ABCG1: variants seen among roughly 807,000 people sequenced by gnomAD.
ABCG1 encodes ATP binding cassette subfamily G member 1.
ABCG1 carries 29 observed loss-of-function variants against 69.2 expected under a neutral mutation model. The ratio of observed to expected loss-of-function variants is 0.42; its 90% CI spans 0.31 to 0.57. ABCG1 has a LOEUF of 0.57. Ranked by LOEUF, ABCG1 falls within the 20% of genes least tolerant of loss-of-function variation. The pLI, the probability that ABCG1 is intolerant of heterozygous loss-of-function variation, is 0.15. For missense variants in ABCG1, 718 were observed against 898.1 expected (o/e 0.80, Z 2.56); for synonymous variants, 370 against 374.8 (o/e 0.99, Z 0.15).
chr21:42,275,894 T>TG, intron 4 of ABCG1, among the ~76,000 whole-genome samples: 1 of 152,320 alleles, frequency 6.6e-6, no homozygotes, highest in South Asian at 2.1e-4. Flanking sequence ...TTTTCATCCT[T>TG]GCAGCCAGGC....
chr21:42,281,824 G>A (rs1263350017), intron 5 of ABCG1, among the ~76,000 whole-genome samples: 1 of 152,170 alleles, frequency 6.6e-6, no homozygotes, highest in Non-Finnish European at 1.5e-5. Flanking sequence ...CCATCACAGC[G>A]ACCCTCCCCT....
chr21:42,254,530 CCTT>C (rs1203351434), intron 2 of ABCG1, among the ~76,000 whole-genome samples: 2 of 152,228 alleles, frequency 1.3e-5, no homozygotes, highest in African/African-American at 4.8e-5. Context: ...ACTTCCCAGA[CCTT>C]CTTCCTGTTC....
At chr21:42,290,987 A>G (rs975048353) in intron 11 of ABCG1, 105 bp from the exon 12 acceptor site, 7 of 800,704 alleles carry the variant, frequency 8.7e-6, no homozygotes, top group Non-Finnish European at 1.5e-5. Context: ...GCCCTAGGCC[A>G]GAGCTGGGTT....
At chr21:42,279,266 C>T (rs1015378772) in intron 5 of ABCG1, among the ~76,000 whole-genome samples, 16 of 152,050 alleles carry the variant, frequency 1.1e-4, no homozygotes, top group Non-Finnish European at 2.1e-4. Context: ...GAGAGGGAGG[C>T]GCTGGAGAGA....
chr21:42,237,532 G>T (rs1235196132), intron 2 of ABCG1, among the ~76,000 whole-genome samples: 2 of 152,210 alleles, frequency 1.3e-5, no homozygotes, highest in Non-Finnish European at 2.9e-5. Flanking sequence ...ATGGGATTTT[G>T]TGCTTCTCTT....
In ABCG1 at chr21:42,296,231, G is replaced by A. The variant is rs1429311699; in HGVS notation, c.1840G>A (p.Asp614Asn). The change falls in exon 15 of 15, where the codon GAC (aspartate) becomes AAC (asparagine). Residue 614 changes from aspartate to asparagine, a missense_variant. By Grantham distance (23) the Asp-to-Asn change is conservative. This residue lies in a region of ABCG1 where 204 missense variants were observed against 323.8 expected (regional missense o/e 0.63). Transcript: ENST00000398449. This position sits in a 1 kb window ranked among gnomAD's most constrained non-coding sequence, Gnocchi z 5.4. ...LDREDLHCDI[D>N]ETCHFQKSEA... ...CCGGGAAGATCTGCACTGTGACATC[G>A]ACGAGACGTGCCACTTCCAGAAGTC... 5.0e-6 allele frequency: 8 copies of A among 1,613,984 alleles called. No homozygotes were observed. The highest frequency in any genetic ancestry group is 2.2e-5 in the South Asian group (2 of 91,070).
At chr21:42,237,307 C>T (rs887045993) in intron 2 of ABCG1, among the ~76,000 whole-genome samples, 2 of 152,222 alleles carry the variant, frequency 1.3e-5, no homozygotes, top group South Asian at 2.1e-4. Flanking sequence ...CCTGCGTCTC[C>T]GCAGCCACTC....
In ABCG1 at chr21:42,258,305, T is replaced by A. The variant is rs528576200; in HGVS notation, c.287-12765T>A. On this transcript the variant is annotated intron_variant, in intron 2 of 14. Transcript: ENST00000398449. ...CTTTATCTCTCCATCTATTTCTCTC[T>A]CCATCCCTCCCTTCATGTCTTCCTC... Among the ~76,000 whole-genome samples, 4 of 150,134 alleles carry A rather than the reference T, an allele frequency of 2.7e-5. No homozygotes were observed. In the South Asian group the frequency reaches 8.5e-4, roughly 32 times the overall value.
chr21:42,271,329 G>A (rs2068613882), intron 3 of ABCG1, 142 bp downstream of exon 3: 2 of 517,480 alleles, frequency 3.9e-6, no homozygotes, highest in African/African-American at 2.0e-5. Context: ...GTGACATTGA[G>A]AGGCTGCACT....
At chr21:42,209,922 C>T (rs966763935) in intron 2 of ABCG1, among the ~76,000 whole-genome samples, 7 of 152,176 alleles carry the variant, frequency 4.6e-5, no homozygotes, top group Non-Finnish European at 1.0e-4. Context: ...GGGCCCAGCA[C>T]TTATCAAAAG....
At chr21:42,295,629 A>T (rs138956766) in intron 14 of ABCG1, among the ~76,000 whole-genome samples, 1 of 152,250 alleles carries the variant, frequency 6.6e-6, no homozygotes. Context: ...AGACTTAGGT[A>T]TATTGTTCAA....
chr21:42,255,002 T>C (rs949316639), intron 2 of ABCG1, among the ~76,000 whole-genome samples: 4 of 152,224 alleles, frequency 2.6e-5, no homozygotes, highest in Non-Finnish European at 5.9e-5. Flanking sequence ...GGCAACCTTA[T>C]TGGTGCTATT....
At position 42,237,971 on chromosome 21, in the gene ABCG1, C is replaced by A. The variant is rs758502167; in HGVS notation, c.286+12057C>A. ...TTTGCATCTGCAGAACAGGGCTGAT[C>A]CAAGTGCCAAACTCAGGATTGGAGT... On this transcript the variant is annotated intron_variant, in intron 2 of 14. Transcript: ENST00000398449. Among the ~76,000 whole-genome samples, 52 of 152,278 alleles carry A rather than the reference C, an allele frequency of 3.4e-4. 1 individual carries two copies. Among genetic ancestry groups the A allele is most frequent in the Middle Eastern group, 3.4e-3 (1 of 294 alleles).
Position 42,219,935 on chromosome 21 carries a change from T to C in ABCG1, c.42+631T>C. 6.4e-7 allele frequency: 1 copy of C among 1,551,006 alleles called. No homozygotes were observed. Among genetic ancestry groups the C allele is most frequent in the Non-Finnish European group, 8.7e-7 (1 of 1,146,746 alleles). ...CCCGGATTCCTGCCGGCCGCCTTTC[T>C]GCGCGCGCCGGAGAGAGAGACGCGG... is the stretch of plus-strand genomic sequence containing the variant. On this transcript the variant is annotated intron_variant, in intron 1 of 14. Transcript: ENST00000398449. The surrounding 1 kb of genome is among the most constrained non-coding windows in gnomAD (Gnocchi z 5.3).
At chr21:42,275,031 C>T (rs930699863) in intron 4 of ABCG1, among the ~76,000 whole-genome samples, 6 of 152,152 alleles carry the variant, frequency 3.9e-5, no homozygotes, top group Non-Finnish European at 8.8e-5. Context: ...TTGATCTGCT[C>T]TGTGCTTTGG....
rs188292008 is a variant in ABCG1 at position 42,288,822 on chromosome 21, T to A, written c.1224+510T>A. Among the ~76,000 whole-genome samples, 68 of 152,186 alleles carry A rather than the reference T, an allele frequency of 4.5e-4. No homozygotes were observed. Among genetic ancestry groups the A allele is most frequent in the Admixed American group, 4.4e-3 (68 of 15,300 alleles). On this transcript the variant is annotated intron_variant, in intron 10 of 14. Coordinates refer to ENST00000398449, the MANE Select transcript of ABCG1 (RefSeq NM_016818.3). This position sits in a 1 kb window ranked among gnomAD's most constrained non-coding sequence, Gnocchi z 4.8. ...AAGAAATGCCTGAGCCTGGGGAATT[T>A]ATAAAGAAAAGAGGTTTAATTGGCT...
chr21:42,259,568 T>A, intron 2 of ABCG1: 1 of 1,492,280 alleles, frequency 6.7e-7, no homozygotes, highest in Non-Finnish European at 8.9e-7. Flanking sequence ...TGGAGGCAAA[T>A]CGAGTGGCAT....
chr21:42,217,201 C>T (rs138471412), upstream of ABCG1, among the ~76,000 whole-genome samples: 1,200 of 152,234 alleles, frequency 7.9e-3, 7 homozygotes, highest in Middle Eastern at 0.048. Flanking sequence ...GAATCAATCC[C>T]GCATAAATCT....
At chr21:42,210,953 TTTC>T (rs1232927102) in intron 2 of ABCG1, among the ~76,000 whole-genome samples, 237 of 150,398 alleles carry the variant, frequency 1.6e-3, no homozygotes, top group Middle Eastern at 3.4e-3. Flanking sequence ...TTCTCATTTC[TTTC>T]TTCTTTTTTT....
Sources: gnomAD v4.1 joint callset for allele counts (sites outside exome capture counted in the v4.1 genomes callset) on GRCh38, gnomAD v4.1.1 for gene constraint, gnomAD v4.1.1 regional missense constraint, Gnocchi (gnomAD v3.1) non-coding constraint, MANE v1.5 for transcripts, NCBI Gene and HGNC (gene_info 2026-07-23, HGNC 2026-07-21) for gene names.